BEND3: variants seen among roughly 807,000 people sequenced by gnomAD.
BEND3 encodes the protein BEN domain-containing protein 3.
In BEND3, 13 loss-of-function variants were observed where a neutral mutation model predicts 60.1. The observed-to-expected ratio is 0.22, with a 90% CI of 0.14 to 0.34. The LOEUF is 0.34. Ranked by LOEUF, BEND3 falls within the 10% of genes least tolerant of loss-of-function variation. The pLI, the probability that BEND3 is intolerant of heterozygous loss-of-function variation, is 1.00. For missense variants in BEND3, 896 were observed against 1,138.1 expected, an observed-to-expected ratio of 0.79 and a Z score of 3.06; for synonymous variants, 497 against 491.5, an observed-to-expected ratio of 1.01 and a Z score of -0.15.
intron 1 of BEND3, among the ~76,000 whole-genome samples, chr6:107,100,883 G>A (rs1775689094): frequency 1.3e-5 from 2 of 152,134 alleles, no homozygotes; most frequent in Admixed American, 1.3e-4. Flanking sequence ...AGGATGAGTG[G>A]AGAGCAGGAC....
rs1775441471 is a variant in BEND3, at chr6:107,090,028, G to A, written c.240+8523C>T. Among the ~76,000 whole-genome samples, 3 of 151,970 alleles carry A rather than the reference G, an allele frequency of 2.0e-5. No individual in the cohort carries two copies. In the South Asian group the frequency reaches 6.3e-4, roughly 32 times the overall value. ...TCCAAAGCTATCCTAGAACAAAATT[G>A]AAGGAATCACATTACCTGATTTTAA... On this transcript the variant is annotated intron_variant, in intron 3 of 3. Coordinates refer to ENST00000369042, the MANE Select transcript of BEND3 (RefSeq NM_001367314.1).
intron 1 of BEND3, among the ~76,000 whole-genome samples, chr6:107,102,213 T>A (rs1313028112): frequency 1.3e-5 from 2 of 152,192 alleles, no homozygotes; most frequent in Non-Finnish European, 2.9e-5. Context: ...CCCAACCATG[T>A]GTCTCTGGCA....
chr6:107,070,741 T>C lies in BEND3; in HGVS notation c.450A>G (p.Leu150=), dbSNP rs1774958670. The C allele has an allele frequency of 2.5e-6, 4 of 1,613,934 alleles. No homozygotes were observed. Among genetic ancestry groups the C allele is most frequent in the Non-Finnish European group, 3.4e-6 (4 of 1,180,028 alleles). The part of the protein sequence containing the change: ...EKKNPPSGDL[L]NVYELFEKAN... ...CCTTCTCAAAGAGCTCGTACACGTTTAGCAGGTCCCCCGAGGGAGGATTCT... is the reference window on the plus strand; with the variant it reads ...CCTTCTCAAAGAGCTCGTACACGTTCAGCAGGTCCCCCGAGGGAGGATTCT... Residue 150 remains leucine (L), a synonymous_variant, in exon 4 of 4, where the codon CTA becomes CTG. Coordinates refer to ENST00000369042, the MANE Select transcript of BEND3 (RefSeq NM_001367314.1). The surrounding 1 kb of genome is among the most constrained non-coding windows in gnomAD (Gnocchi z 6.9).
Position 107,104,540 on chromosome 6 carries a change from T to A in BEND3, c.-11-5244A>T, listed in dbSNP as rs922457613. ...GATAAAAAATAGCATAATATTTGCA[T>A]GTAACCTGTGTACATCCTCCTGTAT... On this transcript the variant is annotated intron_variant, in intron 1 of 3. Transcript: ENST00000369042. 5.9e-5 allele frequency among the ~76,000 whole-genome samples: 9 copies of A among 152,304 alleles called. No homozygotes were observed. In the East Asian group the frequency reaches 1.2e-3, roughly 20 times the overall value.
intron 3 of BEND3, among the ~76,000 whole-genome samples, chr6:107,087,335 G>A (rs1243631015): frequency 6.7e-6 from 1 of 148,846 alleles, no homozygotes; most frequent in Non-Finnish European, 1.5e-5. Flanking sequence ...GAAAAGAAAA[G>A]AAAAAACGAC....
intron 3 of BEND3, among the ~76,000 whole-genome samples, chr6:107,079,281 C>G (rs1406161355): frequency 1.3e-5 from 2 of 152,198 alleles, no homozygotes; most frequent in African/African-American, 2.4e-5. Flanking sequence ...GCTCCCCCAT[C>G]TGCTGAGAGC....
Position 107,077,711 on chromosome 6 carries a change from C to T in BEND3, c.241-6761G>A, listed in dbSNP as rs144316486. 2.4e-4 allele frequency among the ~76,000 whole-genome samples: 36 copies of T among 152,200 alleles called. No individual in the cohort carries two copies. In the East Asian group the frequency reaches 6.7e-3, roughly 29 times the overall value. On this transcript the variant is annotated intron_variant, in intron 3 of 3. Coordinates refer to ENST00000369042, the MANE Select transcript of BEND3 (RefSeq NM_001367314.1). ...ATCCCACCAGCATGATGTTTGAGTG[C>T]CCAGTTCGGAATCACGCAGGCTTGG... is the stretch of plus-strand genomic sequence containing the variant.
At position 107,069,658 on chromosome 6, in the gene BEND3, G is replaced by A. The variant is rs149066482; in HGVS notation, c.1533C>T (p.Val511=). ...SSSLPDDISV[V]KVEDSFEGER... ...CGCCCTCGAAGCTGTCCTCCACCTT[G>A]ACCACTGAGATGTCGTCGGGCAGAC... Residue 511 remains valine (V), a synonymous_variant, in exon 4 of 4, where the codon GTC becomes GTT. Transcript: ENST00000369042. 8.6e-5 allele frequency: 138 copies of A among 1,609,880 alleles called. No individual in the cohort carries two copies. The highest frequency in any genetic ancestry group is 1.1e-4 in the Non-Finnish European group (133 of 1,180,000).
chr6:107,078,884 CCT>C (rs1775160137), intron 3 of BEND3, among the ~76,000 whole-genome samples: 2 of 151,758 alleles, frequency 1.3e-5, no homozygotes, highest in Admixed American at 6.6e-5. Flanking sequence ...AGGGCTCCAC[CCT>C]CAGGCCTGTG....
Position 107,070,902 on chromosome 6 carries a change from C to T in BEND3, c.289G>A (p.Gly97Ser), listed in dbSNP as rs782210653. The T allele has an allele frequency of 9.3e-6, 15 of 1,613,804 alleles. 1 individual carries two copies. In the South Asian group the frequency reaches 1.1e-4, roughly 12 times the overall value. ...CCCCTGCCGGCCTGCTCACCATTGC[C>T]TTGGCAGGGCGAGCTGTTCTCACGG... Reference protein sequence around the residue: ...RNRENSSPCQGNGEQAGRGRS... With the variant: ...RNRENSSPCQSNGEQAGRGRS... Residue 97 changes from glycine (G) to serine (S), a missense_variant, in exon 4 of 4, where the codon GGC becomes AGC. By Grantham distance (56) the Gly-to-Ser change is moderately conservative. Transcript: ENST00000369042. The surrounding 1 kb of genome is among the most constrained non-coding windows in gnomAD (Gnocchi z 6.9).
chr6:107,077,103 T>C (rs1192439131), intron 3 of BEND3, among the ~76,000 whole-genome samples: 3 of 152,134 alleles, frequency 2.0e-5, no homozygotes, highest in Non-Finnish European at 4.4e-5. Flanking sequence ...ACATGTACTC[T>C]TGTTGCACAG....
chr6:107,069,639 C>T lies in BEND3; in HGVS notation c.1552G>A (p.Glu518Lys), dbSNP rs781792938. The T allele has an allele frequency of 1.1e-5, 17 of 1,610,366 alleles. No homozygotes were observed. Among genetic ancestry groups the T allele is most frequent in the South Asian group, 3.3e-5 (3 of 91,084 alleles). ...ISVVKVEDSF[E>K]GERPGRRSKK... ...GAGCGGCGACCCGGCCGCTCGCCCT[C>T]GAAGCTGTCCTCCACCTTGACCACT... Residue 518 changes from glutamate (E) to lysine (K), a missense_variant, in exon 4 of 4, where the codon GAG becomes AAG. Physicochemically the swap from Glu to Lys is moderately conservative, Grantham distance 56 (BLOSUM62 1). Coordinates refer to ENST00000369042, the MANE Select transcript of BEND3 (RefSeq NM_001367314.1).
intron 3 of BEND3, among the ~76,000 whole-genome samples, chr6:107,071,454 A>G (rs1774979356): frequency 6.6e-6 from 1 of 152,114 alleles, no homozygotes; most frequent in African/African-American, 2.4e-5. Context: ...CCTTTGGGAG[A>G]GCAGGCGTCC....
In BEND3 at chr6:107,098,744, C is replaced by A; in HGVS notation, c.47G>T (p.Ser16Ile). 1 of 1,613,704 alleles carries A rather than the reference C, an allele frequency of 6.2e-7. No individual in the cohort carries two copies. The highest frequency in any genetic ancestry group is 1.7e-5 in the Admixed American group (1 of 60,024). ...CTCTGTCTCCACTTTCACAGTGATA[C>A]TTTTTAGAACTGTGTCAGAGAAGAA... The part of the protein sequence containing the change: ...FTEDVEEVLK[S>I]ITVKVETEAE... Residue 16 changes from serine to isoleucine, a missense_variant, in exon 3 of 4, where the codon AGT becomes ATT. Transcript: ENST00000369042.
chr6:107,106,773 T>C (rs1554237570), intron 1 of BEND3, among the ~76,000 whole-genome samples: 1 of 152,030 alleles, frequency 6.6e-6, no homozygotes, highest in Non-Finnish European at 1.5e-5. Context: ...CACACCCAGC[T>C]AATTTTTTAT....
chr6:107,110,657 T>C (rs1294020699), intron 1 of BEND3, among the ~76,000 whole-genome samples: 2 of 151,990 alleles, frequency 1.3e-5, no homozygotes, highest in African/African-American at 4.8e-5. Context: ...TCCTCCCAGG[T>C]TCAAGCGATT....
Position 107,068,923 on chromosome 6 carries a change from G to T in BEND3, c.2268C>A (p.Asn756Lys). The part of the protein sequence containing the change: ...RLFPELFTAE[N>K]LRLQYNHSGA... ...CGGAATGGTTGTACTGCAGCCGGAG[G>T]TTCTCGGCGGTGAAGAGTTCGGGAA... The change falls in exon 4 of 4, where the codon AAC becomes AAA. Residue 756 changes from asparagine (N) to lysine (K), a missense_variant. Asn to Lys is a moderately conservative substitution (Grantham distance 94). Coordinates refer to ENST00000369042, the MANE Select transcript of BEND3 (RefSeq NM_001367314.1). This position sits in a 1 kb window ranked among gnomAD's most constrained non-coding sequence, Gnocchi z 5.8. 6.2e-7 allele frequency: 1 copy of T among 1,614,042 alleles called. No individual in the cohort carries two copies. The highest frequency in any genetic ancestry group is 8.5e-7 in the Non-Finnish European group (1 of 1,180,040).
intron 3 of BEND3, among the ~76,000 whole-genome samples, chr6:107,073,832 GCTGAGATCACACCACTGCA>G (rs1364108147): frequency 6.6e-6 from 1 of 151,768 alleles, no homozygotes; most frequent in Admixed American, 6.6e-5. Context: ...GGCTTCGTAA[GCTGAGATCACACCACTGCA>G]CTCCAGCCTG....
chr6:107,070,084 C>T lies in BEND3; in HGVS notation c.1107G>A (p.Leu369=). The part of the protein sequence containing the change: ...EAEQVDPGHF[L]DNKDQEEALS... Reference sequence around the variant, plus strand: ...GGGCCTCCTCCTGGTCTTTGTTGTCCAGGAAGTGGCCGGGGTCCACCTGCT... The same window carrying T: ...GGGCCTCCTCCTGGTCTTTGTTGTCTAGGAAGTGGCCGGGGTCCACCTGCT... Residue 369 remains leucine (L), a synonymous_variant, in exon 4 of 4, where the codon CTG becomes CTA. Coordinates refer to ENST00000369042, the MANE Select transcript of BEND3 (RefSeq NM_001367314.1). This position sits in a 1 kb window ranked among gnomAD's most constrained non-coding sequence, Gnocchi z 6.9. The T allele has an allele frequency of 6.2e-7, 1 of 1,613,546 alleles. No individual in the cohort carries two copies.
Sources: allele counts gnomAD v4.1 joint callset (sites outside exome capture counted in the v4.1 genomes callset), GRCh38; gene constraint gnomAD v4.1.1; non-coding constraint Gnocchi (gnomAD v3.1); transcripts MANE v1.5; gene names NCBI Gene and HGNC (gene_info 2026-07-23, HGNC 2026-07-21).